The following OXCT1 variants were observed in gnomAD, a reference collection of about 807,000 sequenced individuals.
OXCT1 encodes the protein 3-oxoacid CoA-transferase 1.
In OXCT1, 27 loss-of-function variants were observed where a neutral mutation model predicts 69.6. The observed-to-expected ratio is 0.39, with a 90% confidence interval of 0.29 to 0.54. OXCT1 has a LOEUF of 0.54. Among genes scored for constraint, OXCT1 ranks in the 20% least tolerant of loss-of-function variants. OXCT1 has a pLI of 0.72. For missense variants in OXCT1, 437 were observed against 650.2 expected, an observed-to-expected ratio of 0.67 and a Z score of 3.57; for synonymous variants, 202 against 217.8, an observed-to-expected ratio of 0.93 and a Z score of 0.64.
chr5:41,840,343 G>A, intron 7 of OXCT1, 108 bp downstream of exon 7: 1 of 824,200 alleles, frequency 1.2e-6, no homozygotes, highest in Non-Finnish European at 2.0e-6. Flanking sequence ...AAAAAAAAAA[G>A]CTGTCATTGT....
intron 15 of OXCT1, among the ~76,000 whole-genome samples, chr5:41,743,522 G>T (rs1743301604): frequency 6.6e-6 from 1 of 152,174 alleles, no homozygotes; most frequent in South Asian, 2.1e-4. Flanking sequence ...TGTTGCCATT[G>T]CTTTTGGTGT....
chr5:41,850,813 G>A (rs963024519), intron 4 of OXCT1, among the ~76,000 whole-genome samples: 7 of 152,284 alleles, frequency 4.6e-5, no homozygotes, highest in Admixed American at 4.6e-4. Context: ...TTTCCGATGG[G>A]TGACTCTTCT....
chr5:41,798,487 C>T (rs573850607), intron 11 of OXCT1, among the ~76,000 whole-genome samples: 1 of 152,076 alleles, frequency 6.6e-6, no homozygotes, highest in South Asian at 2.1e-4. Flanking sequence ...GTTACTCCCC[C>T]AGGTGTGACA....
At chr5:41,770,313 A>G (rs1744821563) in intron 13 of OXCT1, among the ~76,000 whole-genome samples, 1 of 152,242 alleles carries the variant, frequency 6.6e-6, no homozygotes, top group Admixed American at 6.5e-5. Context: ...ATGTAAAATT[A>G]AAACTTCACC....
At chr5:41,861,588 C>T (rs1749742454) in intron 2 of OXCT1, among the ~76,000 whole-genome samples, 184 bp from the exon 3 acceptor site, 1 of 152,188 alleles carries the variant, frequency 6.6e-6, no homozygotes, top group Non-Finnish European at 1.5e-5. Flanking sequence ...AAATGTTTTG[C>T]ACCATTATAT....
chr5:41,769,699 C>T (rs972171531), intron 13 of OXCT1, among the ~76,000 whole-genome samples: 10 of 151,744 alleles, frequency 6.6e-5, no homozygotes, highest in Admixed American at 2.6e-4. Flanking sequence ...CCAACCTGGT[C>T]GACAGAGAGA....
chr5:41,818,170 TCA>T (rs1747339999), intron 7 of OXCT1, among the ~76,000 whole-genome samples: 1 of 152,100 alleles, frequency 6.6e-6, no homozygotes, highest in Non-Finnish European at 1.5e-5. Context: ...TACAAAGTGC[TCA>T]CAGTTTCATG....
chr5:41,736,872 T>A (rs564606341), intron 16 of OXCT1, among the ~76,000 whole-genome samples: 1 of 152,202 alleles, frequency 6.6e-6, no homozygotes, highest in Non-Finnish European at 1.5e-5. Context: ...TATAGTCACA[T>A]ATGGAGTACA....
At chr5:41,825,767 G>A (rs2112345641) in intron 7 of OXCT1, among the ~76,000 whole-genome samples, 1 of 152,278 alleles carries the variant, frequency 6.6e-6, no homozygotes, top group East Asian at 1.9e-4. Flanking sequence ...TTTAGGCCAT[G>A]AGTGGAAGCA....
intron 7 of OXCT1, among the ~76,000 whole-genome samples, chr5:41,830,682 T>C (rs1748055411): frequency 6.6e-6 from 1 of 152,210 alleles, no homozygotes; most frequent in African/African-American, 2.4e-5. Context: ...TTCAACATGG[T>C]GAGAAGTCTT....
chr5:41,866,029 C>CCT (rs1285693584), intron 1 of OXCT1, among the ~76,000 whole-genome samples: 1 of 147,436 alleles, frequency 6.8e-6, no homozygotes, highest in Admixed American at 6.8e-5. Flanking sequence ...TAGACCCCCC[C>CCT]CCCCACCGCT....
chr5:41,815,119 A>G (rs993873081), intron 7 of OXCT1, among the ~76,000 whole-genome samples: 19 of 152,222 alleles, frequency 1.2e-4, no homozygotes, highest in African/African-American at 4.6e-4. Flanking sequence ...CAAAATTAAT[A>G]GCTTATATAT....
chr5:41,829,070 A>C (rs575718019), intron 7 of OXCT1, among the ~76,000 whole-genome samples: 2 of 152,162 alleles, frequency 1.3e-5, no homozygotes, highest in Admixed American at 1.3e-4. Flanking sequence ...TACAAGCCAC[A>C]CTAGTTCAAC....
intron 7 of OXCT1, among the ~76,000 whole-genome samples, chr5:41,827,153 G>A (rs986003913): frequency 2.0e-5 from 3 of 152,042 alleles, no homozygotes; most frequent in African/African-American, 7.2e-5. Context: ...CAAACAATAC[G>A]CAAGCTAAAA....
chr5:41,820,510 A>G (rs1561103385), intron 7 of OXCT1, among the ~76,000 whole-genome samples: 1 of 152,202 alleles, frequency 6.6e-6, no homozygotes, highest in Non-Finnish European at 1.5e-5. Flanking sequence ...AGAATTGTTG[A>G]TATGTTTTAC....
intron 7 of OXCT1, among the ~76,000 whole-genome samples, chr5:41,828,028 T>A (rs1442455762): frequency 7.2e-5 from 11 of 152,226 alleles, no homozygotes; most frequent in Non-Finnish European, 1.6e-4. Flanking sequence ...TACAGCCACA[T>A]GCTGGACACT....
At position 41,841,024 on chromosome 5, in the gene OXCT1, A is replaced by G. The variant is rs1428111101; in HGVS notation, c.672-513T>C. 1.3e-5 allele frequency among the ~76,000 whole-genome samples: 2 copies of G among 152,330 alleles called. 1 individual carries two copies. Among genetic ancestry groups the G allele is most frequent in the African/African-American group, 4.8e-5 (2 of 41,578 alleles). On this transcript the variant is annotated intron_variant, in intron 6 of 16. Coordinates refer to ENST00000196371, the MANE Select transcript of OXCT1 (RefSeq NM_000436.4). ...TTCATTGATAATTTGTGAGTCAACT[A>G]TAAAGATCATTCTGGAGAATCATTT... is the stretch of plus-strand genomic sequence containing the variant.
chr5:41,749,221 C>G (rs1743648833), intron 15 of OXCT1, among the ~76,000 whole-genome samples: 1 of 152,036 alleles, frequency 6.6e-6, no homozygotes, highest in African/African-American at 2.4e-5. Context: ...CATAACTTTG[C>G]ATATATCACC....
Position 41,732,698 on chromosome 5 carries a change from T to A in OXCT1, c.1522-928A>T, listed in dbSNP as rs183600399. Among the ~76,000 whole-genome samples the A allele has an allele frequency of 5.1e-4, 78 of 152,334 alleles. No homozygotes were observed. The East Asian group carries it at 8.5e-3, about 17-fold the overall frequency. Reference sequence around the variant, plus strand: ...TTACCTTCCAGAATAAACAATATTTTCTTAAATTGATAAATGAACAAATGA... The same window carrying A: ...TTACCTTCCAGAATAAACAATATTTACTTAAATTGATAAATGAACAAATGA... On this transcript the variant is annotated intron_variant, in intron 16 of 16. Transcript: ENST00000196371.
Sources: gnomAD v4.1 joint callset for allele counts (sites outside exome capture counted in the v4.1 genomes callset) on GRCh38, gnomAD v4.1.1 for gene constraint, MANE v1.5 for transcripts, NCBI Gene and HGNC (gene_info 2026-07-23, HGNC 2026-07-21) for gene names.